Variants in SLC5A8 observed in about 807,000 individuals in gnomAD.
SLC5A8 encodes the protein sodium-coupled monocarboxylate transporter 1.
SLC5A8 carries 55 observed loss-of-function variants against 71.9 expected under a neutral mutation model. The ratio of observed to expected loss-of-function variants is 0.77; its 90% CI spans 0.62 to 0.96. The LOEUF (loss-of-function observed/expected upper bound fraction) is 0.96. Among genes scored for constraint, SLC5A8 ranks in the 40% least tolerant of loss-of-function variants. The pLI is 0.00. For missense variants in SLC5A8, 701 were observed against 745.3 expected (o/e 0.94, Z 0.69); for synonymous variants, 307 against 276.1 (o/e 1.11, Z -1.11).
intron 3 of SLC5A8, among the ~76,000 whole-genome samples, chr12:101,197,729 T>C (rs1047039612): frequency 2.6e-5 from 4 of 152,016 alleles, no homozygotes; most frequent in African/African-American, 9.7e-5. Flanking sequence ...AATAGAAAAA[T>C]TGATAATTAT....
chr12:101,202,442 C>T (rs750650471), intron 2 of SLC5A8, among the ~76,000 whole-genome samples: 96 of 151,770 alleles, frequency 6.3e-4, no homozygotes, highest in Middle Eastern at 3.4e-3. Flanking sequence ...TTTTTGTGAC[C>T]GGCTTATGTA....
At chr12:101,162,320 C>A (rs1431062502) in intron 12 of SLC5A8, among the ~76,000 whole-genome samples, 3 of 152,192 alleles carry the variant, frequency 2.0e-5, no homozygotes, top group Admixed American at 6.5e-5. Flanking sequence ...GTCCCAGGCA[C>A]TGCTCTTGTG....
intron 1 of SLC5A8, among the ~76,000 whole-genome samples, chr12:101,206,923 G>A (rs972079392): frequency 6.6e-6 from 1 of 152,166 alleles, no homozygotes; most frequent in African/African-American, 2.4e-5. Flanking sequence ...GAAAAAAAAT[G>A]CTTGTGAACA....
chr12:101,178,288 A>G (rs2051899732), intron 10 of SLC5A8, among the ~76,000 whole-genome samples: 1 of 152,194 alleles, frequency 6.6e-6, no homozygotes, highest in Non-Finnish European at 1.5e-5. Context: ...TTTTGTAGAT[A>G]CAGACAAGAT....
chr12:101,166,443 C>G, intron 12 of SLC5A8, 51 bp downstream of exon 12: 1 of 1,508,042 alleles, frequency 6.6e-7, no homozygotes, highest in Non-Finnish European at 9.0e-7. Flanking sequence ...GGGTTCTCTA[C>G]TTGTTGCGTA....
At chr12:101,189,399 T>C (rs918579021) in intron 6 of SLC5A8, among the ~76,000 whole-genome samples, 2 of 152,208 alleles carry the variant, frequency 1.3e-5, no homozygotes, top group African/African-American at 2.4e-5. Context: ...ACTCTCAATA[T>C]ATTGAGTTCT....
At chr12:101,184,372 T>G in intron 7 of SLC5A8, 150 bp from the exon 8 acceptor site, 1 of 658,914 alleles carries the variant, frequency 1.5e-6, no homozygotes, top group Admixed American at 2.7e-5. Context: ...TTAAACTGTT[T>G]AACTACTAAC....
chr12:101,169,370 A>T (rs891787800), intron 10 of SLC5A8, among the ~76,000 whole-genome samples: 1 of 152,234 alleles, frequency 6.6e-6, no homozygotes, highest in Non-Finnish European at 1.5e-5. Context: ...AAGGGGAATC[A>T]ACCACAATAA....
intron 13 of SLC5A8, 125 bp downstream of exon 13, chr12:101,161,849 A>G: frequency 1.4e-6 from 1 of 727,150 alleles, no homozygotes; most frequent in East Asian, 2.5e-5. Flanking sequence ...CATGAGTAAA[A>G]CAGAAGAAAT....
chr12:101,184,787 G>A (rs148231395), intron 7 of SLC5A8, among the ~76,000 whole-genome samples: 34 of 152,294 alleles, frequency 2.2e-4, no homozygotes, highest in African/African-American at 8.2e-4. Context: ...GGTGGAGAAT[G>A]ACTTCAGGAA....
At chr12:101,162,737 T>C (rs1248570887) in intron 12 of SLC5A8, among the ~76,000 whole-genome samples, 1 of 152,184 alleles carries the variant, frequency 6.6e-6, no homozygotes, top group East Asian at 1.9e-4. Context: ...CACTGGGGAC[T>C]ACCAGAGGGT....
chr12:101,187,269 A>G, intron 7 of SLC5A8, 117 bp downstream of exon 7: 1 of 1,125,182 alleles, frequency 8.9e-7, no homozygotes, highest in Non-Finnish European at 1.2e-6. Context: ...GAAATGTAAG[A>G]TGATGATGGC....
rs1400494751 is a variant in SLC5A8, at chr12:101,156,820, A to C, written c.*459T>G. Reference sequence around the variant, plus strand: ...CTAGACAACACAGACCTGTTACCTCATTGCTCCCTAAGAATGGTGTATGTG... The same window carrying C: ...CTAGACAACACAGACCTGTTACCTCCTTGCTCCCTAAGAATGGTGTATGTG... On this transcript the variant is annotated 3_prime_UTR_variant, in exon 15 of 15. Coordinates refer to ENST00000536262, the MANE Select transcript of SLC5A8 (RefSeq NM_145913.5). The C allele has an allele frequency of 6.3e-6, 1 of 159,462 alleles. No homozygotes were observed. The highest frequency in any genetic ancestry group is 1.8e-4 in the East Asian group (1 of 5,566). The allele number at this position is 159,462 out of a possible 1,614,324, so 9.9% of individuals were successfully genotyped here. A position where few individuals can be genotyped will look rare whatever the true frequency, so the allele number is the denominator to read the frequency against.
chr12:101,156,530 A>G lies in SLC5A8; in HGVS notation c.*749T>C, dbSNP rs1218977091. The G allele has an allele frequency of 1.3e-5, 2 of 152,238 alleles. No homozygotes were observed. Among genetic ancestry groups the G allele is most frequent in the Non-Finnish European group, 2.9e-5 (2 of 68,056 alleles). 9.4% of individuals were successfully genotyped at this position (152,238 alleles called of 1,614,324 possible). On this transcript the variant is annotated 3_prime_UTR_variant, in exon 15 of 15. Transcript: ENST00000536262. ...AAGACAAGCTCAGTTAGAGTGCACA[A>G]TAAAACCCAAGTTGATAGGTCAGAA...
intron 10 of SLC5A8, among the ~76,000 whole-genome samples, chr12:101,173,290 C>T (rs1325748305): frequency 6.6e-6 from 1 of 152,190 alleles, no homozygotes; most frequent in African/African-American, 2.4e-5. Flanking sequence ...GTTCCTGCAC[C>T]AGGTCTTTGA....
intron 1 of SLC5A8, among the ~76,000 whole-genome samples, chr12:101,208,105 A>G (rs1228931189): frequency 6.6e-6 from 1 of 152,164 alleles, no homozygotes; most frequent in Non-Finnish European, 1.5e-5. Context: ...GAAGTAAAAA[A>G]AAAAAATGAC....
chr12:101,183,737 T>C (rs1240952244), intron 8 of SLC5A8, among the ~76,000 whole-genome samples: 4 of 152,124 alleles, frequency 2.6e-5, no homozygotes, highest in Admixed American at 6.5e-5. Flanking sequence ...GGGCAGTATA[T>C]ATTATTCAAC....
intron 7 of SLC5A8, among the ~76,000 whole-genome samples, chr12:101,185,569 G>A (rs73391434): frequency 3.4e-4 from 51 of 152,010 alleles, no homozygotes; most frequent in African/African-American, 1.1e-3. Flanking sequence ...AGGATAAGGG[G>A]TTTTTTTGTA....
chr12:101,182,921 A>G lies in SLC5A8; in HGVS notation c.1053-6T>C, dbSNP rs1257510020. The G allele has an allele frequency of 1.3e-6, 2 of 1,488,558 alleles. No homozygotes were observed. The highest frequency in any genetic ancestry group is 1.8e-6 in the Non-Finnish European group (2 of 1,116,410). The allele number at this position is 1,488,558 out of a possible 1,614,324, so 92.2% of individuals were successfully genotyped here. On this transcript the variant is annotated splice_region_variant and splice_polypyrimidine_tract_variant and intron_variant, in intron 8 of 14. Coordinates refer to ENST00000536262, the MANE Select transcript of SLC5A8 (RefSeq NM_145913.5). ...TAATACTGGAGGACACTGTGCTGTA[A>G]GGGAAAATAAAACTTTTGATTTATA...
Sources: allele counts gnomAD v4.1 joint callset (sites outside exome capture counted in the v4.1 genomes callset), GRCh38; gene constraint gnomAD v4.1.1; transcripts MANE v1.5; gene names NCBI Gene and HGNC (gene_info 2026-07-23, HGNC 2026-07-21).